EPHA6: variants seen among roughly 807,000 people sequenced by gnomAD.
The protein encoded by EPHA6 is EPH receptor A6.
In EPHA6, 50 loss-of-function variants were observed where a neutral mutation model predicts 112.0. That is an observed-to-expected ratio of 0.45 (90% CI 0.36 to 0.56). The LOEUF (loss-of-function observed/expected upper bound fraction) is 0.56, where lower values mean the gene tolerates loss of function less well. Ranked by LOEUF, EPHA6 falls within the 20% of genes least tolerant of loss-of-function variation. The probability of loss-of-function intolerance (pLI) is 0.00; values close to 1 mark genes in which losing one functional copy is unlikely to be tolerated. For missense variants in EPHA6, 1,280 were observed against 1,417.4 expected (o/e 0.90, Z 1.56); for synonymous variants, 529 against 490.7 (o/e 1.08, Z -1.03).
intron 11 of EPHA6, among the ~76,000 whole-genome samples, chr3:97,572,236 T>C (rs1156470861): frequency 6.7e-6 from 1 of 150,128 alleles, no homozygotes; most frequent in African/African-American, 2.4e-5. Flanking sequence ...CTGCAAGCTC[T>C]GCCTCCCAGG....
chr3:96,842,706 CTTTAA>C (rs2034822351), intron 1 of EPHA6, among the ~76,000 whole-genome samples: 1 of 152,110 alleles, frequency 6.6e-6, no homozygotes, highest in South Asian at 2.1e-4. Context: ...CTTAAGAACT[CTTTAA>C]TTTTATTCAA....
intron 5 of EPHA6, among the ~76,000 whole-genome samples, chr3:97,339,062 G>A (rs1013953933): frequency 6.6e-6 from 1 of 152,130 alleles, no homozygotes; most frequent in Non-Finnish European, 1.5e-5. Flanking sequence ...GAAGGGAGAA[G>A]CCTGACCTCT....
At chr3:97,436,789 A>G (rs575668888) in intron 6 of EPHA6, among the ~76,000 whole-genome samples, 1 of 152,292 alleles carries the variant, frequency 6.6e-6, no homozygotes, top group African/African-American at 2.4e-5. Flanking sequence ...GTCAACCAGC[A>G]TTTGCTCTCT....
intron 7 of EPHA6, among the ~76,000 whole-genome samples, chr3:97,471,592 A>G (rs748674402): frequency 6.6e-6 from 1 of 151,690 alleles, no homozygotes; most frequent in Non-Finnish European, 1.5e-5. Context: ...CCCAGAAAGC[A>G]TTGTCTCCAA....
intron 12 of EPHA6, among the ~76,000 whole-genome samples, chr3:97,595,324 T>G (rs772161759): frequency 6.6e-6 from 1 of 152,142 alleles, no homozygotes; most frequent in African/African-American, 2.4e-5. Context: ...CAGAATGCAT[T>G]TGTGTAGTAG....
chr3:97,601,928 C>A (rs1005665678), intron 12 of EPHA6, among the ~76,000 whole-genome samples: 2 of 151,936 alleles, frequency 1.3e-5, no homozygotes, highest in Non-Finnish European at 2.9e-5. Context: ...AATATTTGAA[C>A]ATTTATTTAA....
rs190608850 is a variant in EPHA6 at position 96,961,719 on chromosome 3, A to G, written c.451-25611A>G. ...ACTTCAGGATGTTAGCCTATCCACA[A>G]TCCTACTTACCACCAGCAGTGGAGT... On this transcript the variant is annotated intron_variant, in intron 2 of 17. Transcript: ENST00000389672. 5.2e-3 allele frequency among the ~76,000 whole-genome samples: 790 copies of G among 152,276 alleles called. 9 individuals are homozygous for G. The highest frequency in any genetic ancestry group is 0.017 in the African/African-American group (725 of 41,554).
At position 97,171,984 on chromosome 3, in the gene EPHA6, A is replaced by G. The variant is rs1451841212; in HGVS notation, c.1115-54280A>G. On this transcript the variant is annotated intron_variant, in intron 3 of 17. Coordinates refer to ENST00000389672, the MANE Select transcript of EPHA6 (RefSeq NM_001080448.3). Reference sequence around the variant, plus strand: ...AAGTGCCTTCAACTTTGCTCAATTCAATACTGAGGTAGAGTATTGAGAAAG... The same window carrying G: ...AAGTGCCTTCAACTTTGCTCAATTCGATACTGAGGTAGAGTATTGAGAAAG... Among the ~76,000 whole-genome samples the G allele has an allele frequency of 3.3e-5, 5 of 152,126 alleles. No homozygotes were observed. The South Asian group carries it at 1.0e-3, about 31-fold the overall frequency.
intron 3 of EPHA6, among the ~76,000 whole-genome samples, chr3:97,223,676 A>G (rs1373037933): frequency 6.6e-6 from 1 of 152,188 alleles, no homozygotes; most frequent in Non-Finnish European, 1.5e-5. Context: ...ACAGTCTTAT[A>G]CATGTTTTAA....
At chr3:97,703,104 T>A (rs765826968) in intron 14 of EPHA6, among the ~76,000 whole-genome samples, 2 of 152,196 alleles carry the variant, frequency 1.3e-5, no homozygotes, top group African/African-American at 2.4e-5. Flanking sequence ...GAAGCATTTC[T>A]GACAGCTACG....
intron 5 of EPHA6, among the ~76,000 whole-genome samples, chr3:97,255,869 T>G (rs1576782331): frequency 6.6e-6 from 1 of 152,258 alleles, no homozygotes; most frequent in East Asian, 1.9e-4. Context: ...ATTCTAAAAG[T>G]AGGTATTAGA....
At chr3:97,461,300 G>T (rs550333201) in intron 7 of EPHA6, among the ~76,000 whole-genome samples, 1 of 152,180 alleles carries the variant, frequency 6.6e-6, no homozygotes, top group Non-Finnish European at 1.5e-5. Context: ...TTCAAGCTTT[G>T]TACTTACTTA....
At chr3:96,827,738 A>T (rs2033759477) in intron 1 of EPHA6, among the ~76,000 whole-genome samples, 1 of 152,178 alleles carries the variant, frequency 6.6e-6, no homozygotes, top group South Asian at 2.1e-4. Flanking sequence ...CGAAATAGGA[A>T]AATATTTTTA....
At chr3:96,891,564 C>T (rs1021332699) in intron 2 of EPHA6, among the ~76,000 whole-genome samples, 2 of 152,038 alleles carry the variant, frequency 1.3e-5, no homozygotes, top group Non-Finnish European at 2.9e-5. Context: ...CAAAAATTAT[C>T]TGGGTATGGT....
At chr3:97,458,490 A>G (rs1291136204) in intron 7 of EPHA6, among the ~76,000 whole-genome samples, 1 of 152,202 alleles carries the variant, frequency 6.6e-6, no homozygotes, top group Non-Finnish European at 1.5e-5. Context: ...AATTCCATCA[A>G]CAATAAACAT....
rs140417353 is a variant in EPHA6 at position 96,883,194 on chromosome 3, T to C, written c.450+16305T>C. 5.5e-3 allele frequency among the ~76,000 whole-genome samples: 845 copies of C among 152,306 alleles called. 5 individuals are homozygous for C. The highest frequency in any genetic ancestry group is 0.01 in the Admixed American group (153 of 15,294). On this transcript the variant is annotated intron_variant, in intron 2 of 17. Coordinates refer to ENST00000389672, the MANE Select transcript of EPHA6 (RefSeq NM_001080448.3). ...TGATCATTAGTAATTTTGAGCATTT[T>C]TTCATATGTTTGTTGGCCATTTGTA...
At chr3:97,056,006 T>C (rs912492180) in intron 3 of EPHA6, among the ~76,000 whole-genome samples, 18 of 152,228 alleles carry the variant, frequency 1.2e-4, no homozygotes, top group Middle Eastern at 3.4e-3. Flanking sequence ...TCTATACTTA[T>C]GATTTGCCTA....
chr3:96,972,534 A>G (rs2042357531), intron 2 of EPHA6, among the ~76,000 whole-genome samples: 1 of 151,910 alleles, frequency 6.6e-6, no homozygotes, highest in African/African-American at 2.4e-5. Context: ...TTATTAGAAT[A>G]TTTCCTTTTC....
intron 2 of EPHA6, among the ~76,000 whole-genome samples, chr3:96,884,094 C>CA (rs2037483877): frequency 6.6e-6 from 1 of 152,038 alleles, no homozygotes; most frequent in Non-Finnish European, 1.5e-5. Flanking sequence ...GTTTTTGTGC[C>CA]AGTACTATGC....
Sources: allele counts gnomAD v4.1 joint callset (sites outside exome capture counted in the v4.1 genomes callset), GRCh38; gene constraint gnomAD v4.1.1; transcripts MANE v1.5; gene names NCBI Gene and HGNC (gene_info 2026-07-23, HGNC 2026-07-21).